PELI2: variants seen among roughly 807,000 people sequenced by gnomAD.
PELI2 encodes E3 ubiquitin-protein ligase pellino homolog 2.
A neutral mutation model predicts 42.3 loss-of-function variants in PELI2; 23 were observed. The observed-to-expected ratio is 0.54, with a 90% CI of 0.39 to 0.77. The LOEUF is 0.77. Among genes scored for constraint, PELI2 ranks in the 30% least tolerant of loss-of-function variants. The pLI is 0.00. For synonymous variants in PELI2, 245 were observed against 212.2 expected (o/e 1.15, Z -1.34); for missense variants, 463 against 553.2 (o/e 0.84, Z 1.64).
At chr14:56,146,909 A>G (rs1243229864) in intron 1 of PELI2, among the ~76,000 whole-genome samples, 1 of 152,160 alleles carries the variant, frequency 6.6e-6, no homozygotes, top group Admixed American at 6.5e-5. Context: ...CCAGTTCAGA[A>G]TACTTTCATC....
Position 56,297,035 on chromosome 14 carries a change from G to A in PELI2, c.1132G>A (p.Ala378Thr). The A allele has an allele frequency of 6.2e-7, 1 of 1,613,904 alleles. No homozygotes were observed. Among genetic ancestry groups the A allele is most frequent in the Non-Finnish European group, 8.5e-7 (1 of 1,180,006 alleles). ...TGGACACGTGTGCTCGGAGAAGTCT[G>A]CAAAATACTGGTCTCAGATCCCGTT... ...PCGHVCSEKS[A>T]KYWSQIPLPH... The change falls in exon 6 of 6, where the codon GCA (alanine) becomes ACA (threonine). Residue 378 changes from alanine to threonine, a missense_variant. By Grantham distance (58) the Ala-to-Thr change is moderately conservative. Around this residue, in one of 3 missense-constraint regions of PELI2, gnomAD observed 103 missense variants for 129.6 expected, o/e 0.80. Transcript: ENST00000267460.
At chr14:56,161,047 C>T (rs1311741377) in intron 1 of PELI2, among the ~76,000 whole-genome samples, 1 of 152,114 alleles carries the variant, frequency 6.6e-6, no homozygotes, top group Non-Finnish European at 1.5e-5. Flanking sequence ...TCTCAACAGC[C>T]AGTAGAGATG....
intron 2 of PELI2, among the ~76,000 whole-genome samples, chr14:56,190,202 CATTAA>C (rs1341655132): frequency 7.2e-5 from 11 of 152,108 alleles, no homozygotes; most frequent in Admixed American, 2.6e-4. Context: ...TTTTTCCCAG[CATTAA>C]ATTATTTTAT....
At chr14:56,291,853 G>A (rs1889841823) in intron 5 of PELI2, among the ~76,000 whole-genome samples, 1 of 152,240 alleles carries the variant, frequency 6.6e-6, no homozygotes, top group Admixed American at 6.5e-5. Context: ...GTGTCACAGA[G>A]TTAGCAGGTG....
chr14:56,289,914 G>A (rs548511526), intron 4 of PELI2, among the ~76,000 whole-genome samples: 1 of 152,308 alleles, frequency 6.6e-6, no homozygotes, highest in Admixed American at 6.5e-5. Flanking sequence ...CAGGATAGGA[G>A]CATGGCATAA....
At position 56,124,632 on chromosome 14, in the gene PELI2, A is replaced by G. The variant is rs1883184676; in HGVS notation, c.77+5895A>G. Among the ~76,000 whole-genome samples, 3 of 152,338 alleles carry G rather than the reference A, an allele frequency of 2.0e-5. No homozygotes were observed. The South Asian group carries it at 6.2e-4, about 32-fold the overall frequency. On this transcript the variant is annotated intron_variant, in intron 1 of 5. Coordinates refer to ENST00000267460, the MANE Select transcript of PELI2 (RefSeq NM_021255.3). ...CTGTGGATTGCACTAAGGGATACGC[A>G]GATGAACAAGACAGTCATGGTCCCT...
chr14:56,227,765 G>A (rs1887411843), intron 2 of PELI2, among the ~76,000 whole-genome samples: 1 of 152,188 alleles, frequency 6.6e-6, no homozygotes, highest in South Asian at 2.1e-4. Flanking sequence ...CAATTCCAGG[G>A]TCTGGGGAGG....
At chr14:56,126,516 A>T (rs762062122) in intron 1 of PELI2, among the ~76,000 whole-genome samples, 1 of 152,200 alleles carries the variant, frequency 6.6e-6, no homozygotes, top group Admixed American at 6.5e-5. Context: ...TCTTATTAGT[A>T]CTGGTTTAAC....
At position 56,202,464 on chromosome 14, in the gene PELI2, G is replaced by A. The variant is rs574436255; in HGVS notation, c.207+24000G>A. On this transcript the variant is annotated intron_variant, in intron 2 of 5. Coordinates refer to ENST00000267460, the MANE Select transcript of PELI2 (RefSeq NM_021255.3). ...ACCTGTCAGTTCTGTTCTCAGTGGA[G>A]ACAGCTTTCCTGGAACCCTCCCCTC... Among the ~76,000 whole-genome samples, 6 of 151,392 alleles carry A rather than the reference G, an allele frequency of 4.0e-5. No individual in the cohort carries two copies. The South Asian group carries it at 1.1e-3, about 27-fold the overall frequency.
chr14:56,245,412 C>T (rs1481654719), intron 2 of PELI2, among the ~76,000 whole-genome samples: 1 of 151,998 alleles, frequency 6.6e-6, no homozygotes, highest in Non-Finnish European at 1.5e-5. Context: ...TATATTTTAT[C>T]AATATTTTTC....
At chr14:56,142,104 A>G (rs991480368) in intron 1 of PELI2, among the ~76,000 whole-genome samples, 10 of 152,176 alleles carry the variant, frequency 6.6e-5, no homozygotes, top group African/African-American at 1.4e-4. Flanking sequence ...TCATAACTTC[A>G]GATAGCGACA....
At chr14:56,222,150 C>A (rs1412193193) in intron 2 of PELI2, among the ~76,000 whole-genome samples, 3 of 151,538 alleles carry the variant, frequency 2.0e-5, no homozygotes, top group African/African-American at 7.3e-5. Flanking sequence ...ACTTTACCAA[C>A]TTCCTGCTGT....
chr14:56,272,623 T>C (rs1035210204), intron 2 of PELI2, among the ~76,000 whole-genome samples: 3 of 152,248 alleles, frequency 2.0e-5, no homozygotes, highest in African/African-American at 7.2e-5. Context: ...TTGTCTTCTC[T>C]GGCAATACTT....
At chr14:56,172,424 A>G (rs900983444) in intron 1 of PELI2, among the ~76,000 whole-genome samples, 7 of 152,200 alleles carry the variant, frequency 4.6e-5, no homozygotes, top group Admixed American at 3.9e-4. Context: ...GTTAGTAAGC[A>G]AACCACTAGA....
At chr14:56,168,215 G>A (rs1427338725) in intron 1 of PELI2, among the ~76,000 whole-genome samples, 1 of 152,158 alleles carries the variant, frequency 6.6e-6, no homozygotes, top group Admixed American at 6.5e-5. Flanking sequence ...TCTGTAATCA[G>A]CAGGTGGCAA....
chr14:56,152,458 A>C (rs1420058723), intron 1 of PELI2, among the ~76,000 whole-genome samples: 1 of 152,130 alleles, frequency 6.6e-6, no homozygotes, highest in Non-Finnish European at 1.5e-5. Flanking sequence ...GGGACAATTA[A>C]CAGTCTGTTT....
chr14:56,182,353 G>A (rs911621039), intron 2 of PELI2, among the ~76,000 whole-genome samples: 5 of 152,136 alleles, frequency 3.3e-5, no homozygotes, highest in African/African-American at 4.8e-5. Flanking sequence ...TTATGTGTTC[G>A]TTTACTTTTT....
chr14:56,205,449 T>C (rs1886484082), intron 2 of PELI2, among the ~76,000 whole-genome samples: 1 of 151,988 alleles, frequency 6.6e-6, no homozygotes, highest in South Asian at 2.1e-4. Flanking sequence ...GAAGAGTTGA[T>C]TGAGCTGGAT....
chr14:56,242,795 T>C (rs1467566980), intron 2 of PELI2, among the ~76,000 whole-genome samples: 1 of 152,144 alleles, frequency 6.6e-6, no homozygotes, highest in Non-Finnish European at 1.5e-5. Context: ...AAGTGGGAGC[T>C]AAACTATGAG....
Sources: gnomAD v4.1 joint callset for allele counts (sites outside exome capture counted in the v4.1 genomes callset) on GRCh38, gnomAD v4.1.1 for gene constraint, gnomAD v4.1.1 regional missense constraint, MANE v1.5 for transcripts, NCBI Gene and HGNC (gene_info 2026-07-23, HGNC 2026-07-21) for gene names.